Variants in ADGRB1 observed in about 807,000 individuals in gnomAD.
ADGRB1 encodes brain-specific angiogenesis inhibitor 1.
Under a neutral mutation model 175.7 loss-of-function variants are expected in ADGRB1, and 36 were observed. That is an observed-to-expected ratio of 0.20 (90% confidence interval 0.16 to 0.27). The LOEUF is 0.27. Among genes scored for constraint, ADGRB1 ranks in the 10% least tolerant of loss-of-function variants. The pLI, the probability that ADGRB1 is intolerant of heterozygous loss-of-function variation, is 1.00. For missense variants in ADGRB1, 1,731 were observed against 2,255.3 expected (o/e 0.77, Z 4.71); for synonymous variants, 1,054 against 979.4 (o/e 1.08, Z -1.42).
intron 15 of ADGRB1, 33 bp from the exon 16 acceptor site, chr8:142,489,302 GC>G: frequency 6.2e-7 from 1 of 1,609,142 alleles, no homozygotes; most frequent in Non-Finnish European, 8.5e-7. Context: ...GGCTGGGAGG[GC>G]TCCCCCGACA....
Position 142,524,309 on chromosome 8 carries a change from T to G in ADGRB1, c.3312+5T>G, listed in dbSNP as rs981645074. ...CCTGCCGCTGCCGTTGTGCTGGTAC[T>G]GACCCGCCCAGGCCCCACTCCCCAC... On this transcript the variant is annotated splice_donor_5th_base_variant and intron_variant, in intron 23 of 30. Coordinates refer to ENST00000517894, the MANE Select transcript of ADGRB1 (RefSeq NM_001702.3). 1.9e-6 allele frequency: 3 copies of G among 1,593,680 alleles called. No individual in the cohort carries two copies. The highest frequency in any genetic ancestry group is 2.6e-6 in the Non-Finnish European group (3 of 1,176,038).
chr8:142,453,199 A>C (rs1203517735), intron 1 of ADGRB1, among the ~76,000 whole-genome samples: 1 of 152,084 alleles, frequency 6.6e-6, no homozygotes, highest in African/African-American at 2.4e-5. Flanking sequence ...TGTGGCGCGC[A>C]TGCACGTGCG....
chr8:142,503,609 T>C (rs1047475149), intron 17 of ADGRB1, among the ~76,000 whole-genome samples: 1 of 151,758 alleles, frequency 6.6e-6, no homozygotes, highest in Non-Finnish European at 1.5e-5. Context: ...AGTGCCAGCC[T>C]CCTGCTGGGG....
At chr8:142,520,764 G>A in intron 19 of ADGRB1, 59 bp from the exon 20 acceptor site, 1 of 1,473,662 alleles carries the variant, frequency 6.8e-7, no homozygotes, top group East Asian at 2.3e-5. Context: ...CAGGACCACA[G>A]CCCCTGTGCA....
intron 25 of ADGRB1, among the ~76,000 whole-genome samples, chr8:142,534,951 T>G (rs950046987): frequency 1.3e-5 from 2 of 152,158 alleles, no homozygotes; most frequent in South Asian, 2.1e-4. Flanking sequence ...CTCATCACCA[T>G]GGCTGGGATT....
chr8:142,500,692 C>T (rs1842479232), intron 17 of ADGRB1, among the ~76,000 whole-genome samples: 1 of 152,020 alleles, frequency 6.6e-6, no homozygotes, highest in Admixed American at 6.6e-5. Flanking sequence ...ACTGACTGTT[C>T]TGAAGGATGT....
At chr8:142,527,262 C>T (rs532888101) in intron 24 of ADGRB1, among the ~76,000 whole-genome samples, 11 of 152,248 alleles carry the variant, frequency 7.2e-5, no homozygotes, top group South Asian at 4.1e-4. Context: ...CTGACTAGGG[C>T]GGACAAGCCC....
At chr8:142,501,725 TGTG>T (rs575423943) in intron 17 of ADGRB1, among the ~76,000 whole-genome samples, 5 of 75,636 alleles carry the variant, frequency 6.6e-5, no homozygotes, top group African/African-American at 2.6e-4. Context: ...GTGAGGGTGA[TGTG>T]GTGGTGGTGA....
chr8:142,494,668 T>C (rs1363319828), intron 17 of ADGRB1, among the ~76,000 whole-genome samples: 1 of 151,558 alleles, frequency 6.6e-6, no homozygotes, highest in African/African-American at 2.4e-5. Context: ...CCCTGAGCCC[T>C]AAGAGCACCT....
chr8:142,461,690 G>C (rs1326991546), intron 1 of ADGRB1, among the ~76,000 whole-genome samples: 1 of 152,200 alleles, frequency 6.6e-6, no homozygotes, highest in South Asian at 2.1e-4. Flanking sequence ...GGGAAAGGTG[G>C]GCCTTGGCAT....
chr8:142,479,647 G>T, intron 8 of ADGRB1, 46 bp from the exon 9 acceptor site: 2 of 1,584,540 alleles, frequency 1.3e-6, no homozygotes, highest in South Asian at 1.1e-5. Context: ...CCAGCTGCCG[G>T]CTCTCAGTAC....
rs908391648 is a variant in ADGRB1, at chr8:142,537,350, G to A, written c.3666+268G>A. Among the ~76,000 whole-genome samples, 1 of 152,068 alleles carries A rather than the reference G, an allele frequency of 6.6e-6. No homozygotes were observed. The highest frequency in any genetic ancestry group is 2.4e-5 in the African/African-American group (1 of 41,380). On this transcript the variant is annotated intron_variant, in intron 26 of 30. Transcript: ENST00000517894. The surrounding 1 kb of genome is among the most constrained non-coding windows in gnomAD (Gnocchi z 4.6). ...CCCACACTCACCCCCGCTGGCAGCA[G>A]TGCCCGTCTGGCTGGACACCACCCT...
intron 2 of ADGRB1, among the ~76,000 whole-genome samples, chr8:142,469,152 C>CGTGT (rs1840443426): frequency 4.6e-5 from 1 of 21,712 alleles, no homozygotes; most frequent in Admixed American, 6.1e-4. Flanking sequence ...TGTGTGCATG[C>CGTGT]GTGCATGTGT....
Position 142,542,658 on chromosome 8 carries a change from C to T in ADGRB1, c.4413+11C>T. 1 of 1,537,998 alleles carries T rather than the reference C, an allele frequency of 6.5e-7. No individual in the cohort carries two copies. The highest frequency in any genetic ancestry group is 2.6e-5 in the East Asian group (1 of 38,956). On this transcript the variant is annotated intron_variant, in intron 28 of 30. Transcript: ENST00000517894. This position sits in a 1 kb window ranked among gnomAD's most constrained non-coding sequence, Gnocchi z 6.3. The stretch of plus-strand genomic sequence containing the variant: ...GTGAGCTCCCTGGAGGTGAGGGGGG[C>T]AGGGGTGGGCCACACCCCAGCCAGC...
Position 142,464,866 on chromosome 8 carries a change from C to T in ADGRB1, c.668C>T (p.Pro223Leu). The change falls in exon 2 of 31, where the codon CCT becomes CTT. Residue 223 changes from proline (P) to leucine (L), a missense_variant. Physicochemically the swap from Pro to Leu is moderately conservative, Grantham distance 98. This residue lies in a region of ADGRB1 where 383 missense variants were observed against 383.1 expected (regional missense o/e 1.00). Coordinates refer to ENST00000517894, the MANE Select transcript of ADGRB1 (RefSeq NM_001702.3). The stretch of plus-strand genomic sequence containing the variant: ...TGCCTGGGCGGCGAGGCGGGCGGCC[C>T]TGCCGCGGGACCCCTGGCCCCCCGC... ...CACLGGEAGG[P>L]AAGPLAPRGD... is the part of the protein sequence containing the mutation. The T allele has an allele frequency of 6.6e-7, 1 of 1,521,470 alleles. No homozygotes were observed. Among genetic ancestry groups the T allele is most frequent in the Non-Finnish European group, 8.8e-7 (1 of 1,140,342 alleles). 94.2% of individuals were successfully genotyped at this position (1,521,470 alleles called of 1,614,324 possible). A position where few individuals can be genotyped will look rare whatever the true frequency, so the allele number is the denominator to read the frequency against.
chr8:142,453,735 C>T (rs1040216561), intron 1 of ADGRB1, among the ~76,000 whole-genome samples: 1 of 152,274 alleles, frequency 6.6e-6, no homozygotes, highest in Admixed American at 6.5e-5. Flanking sequence ...ACTAAGGCTG[C>T]GGGAATATGC....
In ADGRB1 at chr8:142,538,504, C is replaced by T. The variant is rs996576155; in HGVS notation, c.3667-870C>T. On this transcript the variant is annotated intron_variant, in intron 26 of 30. Coordinates refer to ENST00000517894, the MANE Select transcript of ADGRB1 (RefSeq NM_001702.3). ...CCCCTCCCCCAGCGTTTCTCCTGGC[C>T]TGACCTCTGATCCCAGGGGGAAGAT... 2.0e-5 allele frequency among the ~76,000 whole-genome samples: 3 copies of T among 152,252 alleles called. 1 individual carries two copies. The highest frequency in any genetic ancestry group is 4.4e-5 in the Non-Finnish European group (3 of 68,030).
chr8:142,526,141 T>C (rs1844170062), intron 23 of ADGRB1, among the ~76,000 whole-genome samples: 1 of 151,938 alleles, frequency 6.6e-6, no homozygotes, highest in Non-Finnish European at 1.5e-5. Flanking sequence ...GAAGGAAGTC[T>C]AGAGAGAGGA....
chr8:142,501,439 T>G (rs111772421), intron 17 of ADGRB1, among the ~76,000 whole-genome samples: 25 of 17,684 alleles, frequency 1.4e-3, no homozygotes, highest in African/African-American at 3.8e-3. Context: ...GGTAGTGATG[T>G]TTGTGTGGTT....
Sources: allele counts gnomAD v4.1 joint callset (sites outside exome capture counted in the v4.1 genomes callset), GRCh38; gene constraint gnomAD v4.1.1; regional missense constraint gnomAD v4.1.1; non-coding constraint Gnocchi (gnomAD v3.1); transcripts MANE v1.5; gene names NCBI Gene and HGNC (gene_info 2026-07-23, HGNC 2026-07-21).